RHBDD1: variants seen among roughly 807,000 people sequenced by gnomAD.
RHBDD1 encodes the protein rhomboid-related protein 4.
RHBDD1 carries 38 observed loss-of-function variants against 36.3 expected under a neutral mutation model. The ratio of observed to expected loss-of-function variants is 1.05; its 90% CI spans 0.81 to 1.37. The LOEUF (loss-of-function observed/expected upper bound fraction) is 1.37. RHBDD1 is among the 40% of genes most tolerant of loss of function. RHBDD1 has a pLI of 0.00. For missense variants in RHBDD1, 393 were observed against 377.6 expected (o/e 1.04, Z -0.34); for synonymous variants, 151 against 136.5 (o/e 1.11, Z -0.74).
chr2:226,877,570 T>TA (rs1346700263), intron 5 of RHBDD1, among the ~76,000 whole-genome samples: 1 of 148,604 alleles, frequency 6.7e-6, no homozygotes, highest in Admixed American at 6.7e-5. Flanking sequence ...TTTTTTTTTT[T>TA]AACCATAGTT....
intron 8 of RHBDD1, among the ~76,000 whole-genome samples, chr2:226,925,934 T>C (rs1003468038): frequency 6.6e-6 from 1 of 151,956 alleles, no homozygotes; most frequent in African/African-American, 2.4e-5. Context: ...TTTGTGTGTT[T>C]GTGTGTGTGT....
At chr2:226,833,448 G>C (rs1463919627), upstream of RHBDD1, among the ~76,000 whole-genome samples, 1 of 152,180 alleles carries the variant, frequency 6.6e-6, no homozygotes, top group Non-Finnish European at 1.5e-5. Context: ...CTGGATTTGT[G>C]AACTGTACAA....
At chr2:226,976,110 G>T (rs2149380401) in intron 8 of RHBDD1, among the ~76,000 whole-genome samples, 1 of 151,510 alleles carries the variant, frequency 6.6e-6, no homozygotes, top group Admixed American at 6.6e-5. Flanking sequence ...CCAAGTTTTT[G>T]GTACTAGGGA....
chr2:226,836,516 C>G (rs891280866), intron 1 of RHBDD1, among the ~76,000 whole-genome samples: 3 of 152,206 alleles, frequency 2.0e-5, no homozygotes, highest in African/African-American at 4.8e-5. Flanking sequence ...AAGTCTAAGC[C>G]TCACCGCAGT....
the RHBDD1 span, among the ~76,000 whole-genome samples, chr2:226,802,033 C>CAA: frequency 6.6e-6 from 1 of 151,598 alleles, no homozygotes; most frequent in Non-Finnish European, 1.5e-5. Context: ...CCCCACCCCC[C>CAA]AAAAAAAGCT....
intron 3 of RHBDD1, among the ~76,000 whole-genome samples, chr2:226,858,583 T>C (rs1051270100): frequency 6.6e-6 from 1 of 152,190 alleles, no homozygotes; most frequent in Admixed American, 6.5e-5. Context: ...TATACTGCCT[T>C]AGTAAATGAT....
the RHBDD1 span, among the ~76,000 whole-genome samples, chr2:226,827,079 C>T: frequency 1.3e-5 from 2 of 152,146 alleles, no homozygotes; most frequent in Non-Finnish European, 2.9e-5. Context: ...CCACCTCAGC[C>T]TCTTAGTAGC....
the RHBDD1 span, among the ~76,000 whole-genome samples, chr2:226,816,219 T>G: frequency 6.6e-6 from 1 of 152,018 alleles, no homozygotes; most frequent in South Asian, 2.1e-4. Context: ...AGTGGCATCG[T>G]GCTGACTTAG....
intron 5 of RHBDD1, among the ~76,000 whole-genome samples, chr2:226,870,458 T>C (rs1411615677): frequency 6.6e-6 from 1 of 152,186 alleles, no homozygotes; most frequent in East Asian, 1.9e-4. Context: ...ACTTGACTTT[T>C]TTCGTCCTGA....
chr2:226,803,746 T>C, the RHBDD1 span, among the ~76,000 whole-genome samples: 2 of 152,220 alleles, frequency 1.3e-5, no homozygotes, highest in Admixed American at 6.5e-5. Flanking sequence ...TTAAAAACTT[T>C]GTTTTCTCAT....
At chr2:226,941,157 A>G (rs1950637956) in intron 8 of RHBDD1, among the ~76,000 whole-genome samples, 2 of 151,906 alleles carry the variant, frequency 1.3e-5, no homozygotes, top group Admixed American at 1.3e-4. Context: ...TTTAGTAGAG[A>G]TGGGGTTTCT....
chr2:226,843,197 T>C (rs994417672), intron 3 of RHBDD1, among the ~76,000 whole-genome samples: 4 of 152,178 alleles, frequency 2.6e-5, no homozygotes, highest in Non-Finnish European at 4.4e-5. Context: ...TTTCTAGATA[T>C]AGGATCATGT....
intron 8 of RHBDD1, among the ~76,000 whole-genome samples, chr2:226,922,202 C>CTTTTTTTTTTT (rs1017204610): frequency 2.9e-5 from 3 of 105,042 alleles, no homozygotes; most frequent in East Asian, 3.0e-4. Context: ...TATCTTTTTC[C>CTTTTTTTTTTT]TTTTTTTTTT....
At chr2:226,960,562 G>A (rs1952119019) in intron 8 of RHBDD1, among the ~76,000 whole-genome samples, 1 of 152,144 alleles carries the variant, frequency 6.6e-6, no homozygotes, top group Admixed American at 6.5e-5. Context: ...AGGTTATTTC[G>A]ATGCTCTAAA....
intron 3 of RHBDD1, among the ~76,000 whole-genome samples, chr2:226,861,512 G>A (rs901750737): frequency 4.6e-5 from 7 of 152,136 alleles, no homozygotes; most frequent in Admixed American, 4.6e-4. Context: ...TGTAATTGAG[G>A]GGCAAGTTTT....
At chr2:226,888,772 A>G (rs1382980123) in intron 5 of RHBDD1, among the ~76,000 whole-genome samples, 3 of 152,130 alleles carry the variant, frequency 2.0e-5, no homozygotes. Flanking sequence ...CATTATTGTT[A>G]TGTCTACAAT....
intron 8 of RHBDD1, among the ~76,000 whole-genome samples, chr2:226,936,319 A>G (rs1241735066): frequency 6.6e-6 from 1 of 152,130 alleles, no homozygotes; most frequent in Non-Finnish European, 1.5e-5. Flanking sequence ...TTGTACTTAT[A>G]TCTTAGATTG....
chr2:226,942,547 C>G (rs1349305750), intron 8 of RHBDD1: 1 of 386,596 alleles, frequency 2.6e-6, no homozygotes, highest in South Asian at 1.9e-5. Context: ...CCGTTGTGAT[C>G]ATCTTGAATT....
intron 8 of RHBDD1, among the ~76,000 whole-genome samples, chr2:226,929,208 T>A (rs1949857276): frequency 6.6e-6 from 1 of 151,986 alleles, no homozygotes; most frequent in Non-Finnish European, 1.5e-5. Context: ...AGAATAAAAA[T>A]ACAGACAAAT....
Sources: gnomAD v4.1 joint callset for allele counts (sites outside exome capture counted in the v4.1 genomes callset) on GRCh38, gnomAD v4.1.1 for gene constraint, MANE v1.5 for transcripts, NCBI Gene and HGNC (gene_info 2026-07-23, HGNC 2026-07-21) for gene names.